Variants in GAS7 observed in about 807,000 individuals in gnomAD.
The protein encoded by GAS7 is growth arrest specific 7, also known as growth arrest-specific protein 7.
Under a neutral mutation model 71.1 loss-of-function variants are expected in GAS7, and 28 were observed. The observed-to-expected ratio is 0.39, with a 90% CI of 0.29 to 0.54. The LOEUF is 0.54. GAS7 is among the 20% of genes least tolerant of loss of function. The probability of loss-of-function intolerance (pLI) is 0.62; values close to 1 mark genes in which losing one functional copy is unlikely to be tolerated. For synonymous variants in GAS7, 258 were observed against 245.8 expected, an observed-to-expected ratio of 1.05 and a Z score of -0.46; for missense variants, 436 against 627.8, an observed-to-expected ratio of 0.69 and a Z score of 3.27.
At chr17:9,967,993 T>G (rs938928031) in intron 4 of GAS7, among the ~76,000 whole-genome samples, 8 of 152,222 alleles carry the variant, frequency 5.3e-5, no homozygotes, top group African/African-American at 1.9e-4. Flanking sequence ...TTATGTTTTA[T>G]CAGGGAAGAA....
chr17:10,165,345 T>A (rs1354921206), intron 1 of GAS7, among the ~76,000 whole-genome samples: 1 of 150,166 alleles, frequency 6.7e-6, no homozygotes, highest in Non-Finnish European at 1.5e-5. Context: ...CTTCATGCCC[T>A]AGAGATGTAC....
chr17:10,139,650 G>A (rs1420876719), intron 1 of GAS7, among the ~76,000 whole-genome samples: 1 of 152,188 alleles, frequency 6.6e-6, no homozygotes, highest in Non-Finnish European at 1.5e-5. Flanking sequence ...CAATGTGATG[G>A]CTTTCTACTG....
chr17:10,167,290 C>G (rs1047047060), intron 1 of GAS7, among the ~76,000 whole-genome samples: 1 of 151,832 alleles, frequency 6.6e-6, no homozygotes, highest in Non-Finnish European at 1.5e-5. Context: ...CTCCTGACCT[C>G]AGGTGATCCA....
chr17:9,946,822 C>T (rs958179941), intron 6 of GAS7, 72 bp downstream of exon 6: 12 of 922,738 alleles, frequency 1.3e-5, no homozygotes, highest in African/African-American at 3.3e-5. Context: ...ATCCAGGTCC[C>T]TCCTACCCAT....
intron 1 of GAS7, among the ~76,000 whole-genome samples, chr17:10,156,814 G>C (rs1286529138): frequency 6.6e-6 from 1 of 151,886 alleles, no homozygotes; most frequent in Non-Finnish European, 1.5e-5. Context: ...TCCCCTCTCT[G>C]GGCGTGCTTC....
At chr17:10,074,232 T>A (rs1350402468) in intron 1 of GAS7, among the ~76,000 whole-genome samples, 1 of 152,232 alleles carries the variant, frequency 6.6e-6, no homozygotes, top group Non-Finnish European at 1.5e-5. Flanking sequence ...TTTTCTCTGC[T>A]TTTCTTGCTC....
At chr17:10,154,347 T>C (rs1301003751) in intron 1 of GAS7, among the ~76,000 whole-genome samples, 2 of 150,536 alleles carry the variant, frequency 1.3e-5, no homozygotes, top group Admixed American at 6.6e-5. Flanking sequence ...AGAAATAAAA[T>C]TAAAAATTTA....
intron 1 of GAS7, chr17:10,036,289 G>T: frequency 2.7e-6 from 2 of 749,894 alleles, no homozygotes; most frequent in South Asian, 2.9e-5. Flanking sequence ...AGCACACAGG[G>T]TCCCCAGACC....
intron 1 of GAS7, among the ~76,000 whole-genome samples, chr17:10,191,079 G>C (rs927253889): frequency 6.6e-6 from 1 of 152,052 alleles, no homozygotes. Flanking sequence ...GGAGGCTGAG[G>C]TAGGAGGATC....
intron 1 of GAS7, among the ~76,000 whole-genome samples, chr17:10,159,065 C>CATATAT (rs745794234): frequency 0.091 from 5,434 of 59,782 alleles, 519 homozygotes; most frequent in Admixed American, 0.097. Flanking sequence ...GTCTCTAAAA[C>CATATAT]ATATATATAT....
rs34994635 is a variant in GAS7 at position 9,919,969 on chromosome 17, TTGTGTGTGTGTGTG to T, written c.1139-278_1139-265del. ...AGGATTCAGGATGGTGGTTCTCATT[TTGTGTGTGTGTGTG>T]TGTGTGTGTGTGTGTGTGTGTGTGT... On this transcript the variant is annotated intron_variant, in intron 11 of 13. Coordinates refer to ENST00000432992, the MANE Select transcript of GAS7 (RefSeq NM_201433.2). The surrounding 1 kb of genome is among the most constrained non-coding windows in gnomAD (Gnocchi z 5.0). Among the ~76,000 whole-genome samples, 2,483 of 131,484 alleles carry T rather than the reference TTGTGTGTGTGTGTG, an allele frequency of 0.019. 45 individuals are homozygous for T. Among genetic ancestry groups the T allele is most frequent in the African/African-American group, 0.029 (995 of 34,350 alleles). The allele number at this position is 131,484 out of a possible 152,430, so 86.3% of individuals were successfully genotyped here. A position where few individuals can be genotyped will look rare whatever the true frequency, so the allele number is the denominator to read the frequency against.
At chr17:9,940,248 C>G in intron 7 of GAS7, 48 bp from the exon 8 acceptor site, 1 of 1,440,858 alleles carries the variant, frequency 6.9e-7, no homozygotes, top group East Asian at 2.3e-5. Context: ...AGTGCCAGAT[C>G]GTGGGTCTGC....
At chr17:9,929,995 G>C (rs946749191) in intron 9 of GAS7, among the ~76,000 whole-genome samples, 17 of 152,108 alleles carry the variant, frequency 1.1e-4, no homozygotes, top group African/African-American at 4.1e-4. Flanking sequence ...TCACACATCA[G>C]AAGAGAATAA....
At chr17:9,948,227 T>C (rs759272967) in intron 5 of GAS7, among the ~76,000 whole-genome samples, 1 of 152,262 alleles carries the variant, frequency 6.6e-6, no homozygotes, top group Non-Finnish European at 1.5e-5. Context: ...AAGGGTCACC[T>C]GTATAATACA....
chr17:10,110,489 G>A (rs557612336), intron 1 of GAS7, among the ~76,000 whole-genome samples: 24 of 151,812 alleles, frequency 1.6e-4, no homozygotes, highest in South Asian at 4.2e-4. Flanking sequence ...TTTTTAAGAC[G>A]GAGTCTCGCT....
chr17:9,934,538 G>A (rs1448994455), intron 8 of GAS7, among the ~76,000 whole-genome samples: 1 of 152,056 alleles, frequency 6.6e-6, no homozygotes, highest in Non-Finnish European at 1.5e-5. Flanking sequence ...AGGCTCGAAA[G>A]GACCCAGGAA....
Position 10,186,077 on chromosome 17 carries a change from C to A in GAS7, c.183+12131G>T, listed in dbSNP as rs144474561. ...TCACGCCATTCTCCTGCCTCAGCCT[C>A]CAGAGTAGCTGGGACCACAGGTGCC... On this transcript the variant is annotated intron_variant, in intron 1 of 13. Coordinates refer to ENST00000432992, the MANE Select transcript of GAS7 (RefSeq NM_201433.2). Among the ~76,000 whole-genome samples, 707 of 151,184 alleles carry A rather than the reference C, an allele frequency of 4.7e-3. 8 individuals are homozygous for A. The highest frequency in any genetic ancestry group is 0.016 in the African/African-American group (671 of 41,190).
rs956701803 is a variant in GAS7 at position 9,966,658 on chromosome 17, C to T, written c.471+3019G>A. 2.0e-5 allele frequency among the ~76,000 whole-genome samples: 3 copies of T among 152,124 alleles called. No homozygotes were observed. In the South Asian group the frequency reaches 6.2e-4, roughly 32 times the overall value. ...CTATTTGTATGTTTAACTCTTGGCA[C>T]CTTTTTGGATAACCAGCCTGCAGGC... On this transcript the variant is annotated intron_variant, in intron 4 of 13. Transcript: ENST00000432992.
intron 1 of GAS7, among the ~76,000 whole-genome samples, chr17:10,154,585 A>C (rs927202819): frequency 6.6e-6 from 1 of 151,564 alleles, no homozygotes; most frequent in Non-Finnish European, 1.5e-5. Context: ...GGCTGAGGCC[A>C]GAGGATCACT....
Sources: gnomAD v4.1 joint callset for allele counts (sites outside exome capture counted in the v4.1 genomes callset) on GRCh38, gnomAD v4.1.1 for gene constraint, Gnocchi (gnomAD v3.1) non-coding constraint, MANE v1.5 for transcripts, NCBI Gene and HGNC (gene_info 2026-07-23, HGNC 2026-07-21) for gene names.